Variants in SGPP2 observed in about 807,000 individuals in gnomAD.
SGPP2 encodes the protein sphingosine 1-phosphate phosphohydrolase 2.
In SGPP2, 30 loss-of-function variants were observed where a neutral mutation model predicts 33.9. That is an observed-to-expected ratio of 0.89 (90% CI 0.66 to 1.20). The LOEUF (loss-of-function observed/expected upper bound fraction) is 1.20, where lower values mean the gene tolerates loss of function less well. Among genes scored for constraint, SGPP2 ranks in the 50% most tolerant of loss-of-function variants. The pLI is 0.00. For synonymous variants in SGPP2, 233 were observed against 225.0 expected, an observed-to-expected ratio of 1.04 and a Z score of -0.32; for missense variants, 458 against 532.1, an observed-to-expected ratio of 0.86 and a Z score of 1.37.
chr2:222,452,434 T>A (rs1230833212), intron 1 of SGPP2: 7 of 781,838 alleles, frequency 9.0e-6, no homozygotes. Flanking sequence ...CATGGAGTAG[T>A]TTAGGAATAA....
chr2:222,516,612 G>C (rs767711332), intron 2 of SGPP2, among the ~76,000 whole-genome samples: 80 of 152,256 alleles, frequency 5.3e-4, no homozygotes, highest in African/African-American at 1.9e-3. Flanking sequence ...TATCATATAA[G>C]TATACAGGTA....
In SGPP2 at chr2:222,521,816, G is replaced by T. The variant is rs566151913; in HGVS notation, c.428G>T (p.Arg143Leu). ...QVAKDVLKWPRPSSPPVVKLE... is the reference protein window; with the variant it reads ...QVAKDVLKWPLPSSPPVVKLE... The stretch of plus-strand genomic sequence containing the variant: ...GCCAAGGATGTCTTGAAGTGGCCCC[G>T]TCCCTCCTCCCCTCCAGTTGTAAAA... The change falls in exon 3 of 5, where the codon CGT becomes CTT. Residue 143 changes from arginine (R) to leucine (L), a missense_variant. Coordinates refer to ENST00000321276, the MANE Select transcript of SGPP2 (RefSeq NM_152386.4). 1 of 1,610,192 alleles carries T rather than the reference G, an allele frequency of 6.2e-7. No individual in the cohort carries two copies. The highest frequency in any genetic ancestry group is 1.1e-5 in the South Asian group (1 of 90,182).
chr2:222,488,012 C>T (rs1698138669), intron 2 of SGPP2, among the ~76,000 whole-genome samples: 1 of 152,192 alleles, frequency 6.6e-6, no homozygotes, highest in Admixed American at 6.5e-5. Context: ...CTCCTGGATT[C>T]CCTAGCTCAG....
Position 222,505,934 on chromosome 2 carries a change from CAA to C in SGPP2, c.379-15814_379-15813del, listed in dbSNP as rs35318533. 3.9e-3 allele frequency among the ~76,000 whole-genome samples: 374 copies of C among 95,052 alleles called. 1 individual carries two copies. The highest frequency in any genetic ancestry group is 0.027 in the Middle Eastern group (5 of 184). The allele number at this position is 95,052 out of a possible 152,430, so 62.4% of individuals were successfully genotyped here. A position where few individuals can be genotyped will look rare whatever the true frequency, so the allele number is the denominator to read the frequency against. On this transcript the variant is annotated intron_variant, in intron 2 of 4. Coordinates refer to ENST00000321276, the MANE Select transcript of SGPP2 (RefSeq NM_152386.4). Reference sequence around the variant, plus strand: ...TGGGCTGCTGAGTGAAACTCTGTCTCAAAAAAAAAAAAAAAAAAAAGTAGTTA... The same window carrying C: ...TGGGCTGCTGAGTGAAACTCTGTCTCAAAAAAAAAAAAAAAAAAGTAGTTA...
rs1697727095 is a variant in SGPP2 at position 222,465,206 on chromosome 2, T to G, written c.220-9362T>G. Among the ~76,000 whole-genome samples, 1 of 152,136 alleles carries G rather than the reference T, an allele frequency of 6.6e-6. No homozygotes were observed. On this transcript the variant is annotated intron_variant, in intron 1 of 4. Transcript: ENST00000321276. The surrounding 1 kb of genome is among the most constrained non-coding windows in gnomAD (Gnocchi z 4.1). ...GTCCTTACATTTTATTGACTTTCAG[T>G]CTCGCCATCCTGAAATTTTAATCAC...
chr2:222,485,458 CTTTGGTACT>C (rs923908152), intron 2 of SGPP2, among the ~76,000 whole-genome samples: 4 of 152,140 alleles, frequency 2.6e-5, no homozygotes, highest in African/African-American at 9.7e-5. Context: ...CGGAGAAGGG[CTTTGGTACT>C]TTTGTTTCGG....
intron 2 of SGPP2, among the ~76,000 whole-genome samples, chr2:222,517,931 A>G (rs1698630633): frequency 6.6e-6 from 1 of 152,350 alleles, no homozygotes; most frequent in South Asian, 2.1e-4. Flanking sequence ...GTATATGTAC[A>G]CATACTCATA....
intron 1 of SGPP2, among the ~76,000 whole-genome samples, chr2:222,432,592 G>T (rs1697172863): frequency 6.6e-6 from 1 of 152,220 alleles, no homozygotes; most frequent in Admixed American, 6.5e-5. Context: ...AAGTCTGAAT[G>T]CAAGACCCAG....
chr2:222,469,690 A>G (rs138200403), intron 1 of SGPP2, among the ~76,000 whole-genome samples: 1,570 of 152,328 alleles, frequency 0.01, 24 homozygotes, highest in South Asian at 0.077. Flanking sequence ...TGTTCCCAGT[A>G]GGAACAACAC....
chr2:222,520,893 G>C (rs1698676192), intron 2 of SGPP2, among the ~76,000 whole-genome samples: 1 of 151,982 alleles, frequency 6.6e-6, no homozygotes, highest in South Asian at 2.1e-4. Flanking sequence ...TCAAGTAGCT[G>C]GTACCACAGG....
At chr2:222,450,040 A>G (rs1697459957) in intron 1 of SGPP2, among the ~76,000 whole-genome samples, 3 of 152,244 alleles carry the variant, frequency 2.0e-5, no homozygotes, top group Non-Finnish European at 4.4e-5. Flanking sequence ...ATCAACAATA[A>G]TCAAATATTG....
intron 2 of SGPP2, among the ~76,000 whole-genome samples, chr2:222,507,370 T>C (rs182258938): frequency 1.1e-4 from 16 of 152,330 alleles, no homozygotes; most frequent in Admixed American, 3.3e-4. Flanking sequence ...TTAAGATTTG[T>C]GGTATCACAT....
intron 1 of SGPP2, among the ~76,000 whole-genome samples, chr2:222,450,624 G>T (rs557023612): frequency 5.9e-5 from 9 of 152,292 alleles, no homozygotes; most frequent in Admixed American, 1.3e-4. Flanking sequence ...CTTACTGATG[G>T]TGCATTCTGT....
At chr2:222,426,933 CTT>C (rs1184803206) in intron 1 of SGPP2, among the ~76,000 whole-genome samples, 1 of 152,198 alleles carries the variant, frequency 6.6e-6, no homozygotes, top group Non-Finnish European at 1.5e-5. Flanking sequence ...AGCTGCCTGT[CTT>C]TTCTCTAAAT....
chr2:222,479,207 C>T (rs1574852470), intron 2 of SGPP2, among the ~76,000 whole-genome samples: 3 of 152,178 alleles, frequency 2.0e-5, no homozygotes, highest in Middle Eastern at 3.4e-3. Context: ...GTGGTTGTTT[C>T]TTAGAAGAAC....
chr2:222,452,720 C>G (rs1697510936), intron 1 of SGPP2: 1 of 1,394,886 alleles, frequency 7.2e-7, no homozygotes, highest in East Asian at 2.3e-5. Context: ...TCTGGTTGCT[C>G]CACATTGGAA....
intron 2 of SGPP2, among the ~76,000 whole-genome samples, chr2:222,507,978 T>C (rs1290867708): frequency 6.6e-6 from 1 of 152,220 alleles, no homozygotes; most frequent in African/African-American, 2.4e-5. Flanking sequence ...ATGATTTTCA[T>C]GTTTGAGTGT....
chr2:222,478,181 A>G (rs1232865171), intron 2 of SGPP2, among the ~76,000 whole-genome samples: 1 of 99,188 alleles, frequency 1.0e-5, no homozygotes. Context: ...CGAGAGGGAG[A>G]GAGGGAGAGA....
chr2:222,476,064 T>A lies in SGPP2; in HGVS notation c.378+1338T>A, dbSNP rs1022283390. Among the ~76,000 whole-genome samples, 2 of 152,172 alleles carry A rather than the reference T, an allele frequency of 1.3e-5. No individual in the cohort carries two copies. Among genetic ancestry groups the A allele is most frequent in the Non-Finnish European group, 1.5e-5 (1 of 68,020 alleles). On this transcript the variant is annotated intron_variant, in intron 2 of 4. Transcript: ENST00000321276. This position sits in a 1 kb window ranked among gnomAD's most constrained non-coding sequence, Gnocchi z 4.3. ...AACCAACTCTAAGGTCAAAGGTTATTTAGCTGGTGGAGGGAACTTCCAGAC... is the reference window on the plus strand; with the variant it reads ...AACCAACTCTAAGGTCAAAGGTTATATAGCTGGTGGAGGGAACTTCCAGAC...
Sources: gnomAD v4.1 joint callset for allele counts (sites outside exome capture counted in the v4.1 genomes callset) on GRCh38, gnomAD v4.1.1 for gene constraint, Gnocchi (gnomAD v3.1) non-coding constraint, MANE v1.5 for transcripts, NCBI Gene and HGNC (gene_info 2026-07-23, HGNC 2026-07-21) for gene names.